EEPD1: variants seen among roughly 807,000 people sequenced by gnomAD.
EEPD1 encodes the protein endonuclease/exonuclease/phosphatase family domain-containing protein 1.
In EEPD1, 17 loss-of-function variants were observed where a neutral mutation model predicts 46.3. The observed-to-expected ratio is 0.37, with a 90% CI of 0.25 to 0.55. The LOEUF is 0.55. EEPD1 is among the 20% of genes least tolerant of loss of function. EEPD1 has a pLI of 0.83. For synonymous variants in EEPD1, 313 were observed against 315.6 expected (o/e 0.99, Z 0.09); for missense variants, 673 against 745.6 (o/e 0.90, Z 1.13).
At chr7:36,237,755 CG>C (rs1210452404) in intron 2 of EEPD1, among the ~76,000 whole-genome samples, 1 of 152,004 alleles carries the variant, frequency 6.6e-6, no homozygotes, top group Non-Finnish European at 1.5e-5. Context: ...GTTCAAGACC[CG>C]CCTGGCCAAC....
intron 2 of EEPD1, among the ~76,000 whole-genome samples, chr7:36,194,273 A>G (rs905999135): frequency 2.0e-5 from 3 of 152,256 alleles, no homozygotes; most frequent in South Asian, 2.1e-4. Flanking sequence ...TCCAGGCACC[A>G]TAAGTACATG....
intron 2 of EEPD1, among the ~76,000 whole-genome samples, chr7:36,202,492 G>A (rs1583806292): frequency 6.6e-6 from 1 of 152,158 alleles, no homozygotes; most frequent in East Asian, 1.9e-4. Flanking sequence ...CAGGACTGTA[G>A]CCTGGTTCTG....
intron 2 of EEPD1, among the ~76,000 whole-genome samples, chr7:36,236,647 A>G (rs1438324655): frequency 6.6e-6 from 1 of 152,204 alleles, no homozygotes; most frequent in Non-Finnish European, 1.5e-5. Context: ...TCTCCTGTCT[A>G]GCTAAAGGTT....
chr7:36,156,694 T>C (rs1439851088), intron 2 of EEPD1, among the ~76,000 whole-genome samples: 4 of 152,186 alleles, frequency 2.6e-5, no homozygotes, highest in Non-Finnish European at 5.9e-5. Context: ...ATTATGTCAG[T>C]GGTTTCTAAA....
chr7:36,231,215 G>A (rs75738854), intron 2 of EEPD1: 2,833 of 152,500 alleles, frequency 0.019, 33 homozygotes, highest in Middle Eastern at 0.027. Context: ...CTTCTGTGCT[G>A]TCAGTGTCTG....
At chr7:36,224,045 C>G (rs1239650709) in intron 2 of EEPD1, among the ~76,000 whole-genome samples, 3 of 152,222 alleles carry the variant, frequency 2.0e-5, no homozygotes, top group African/African-American at 7.2e-5. Flanking sequence ...TTAGTTTTAT[C>G]TCCTGCAGTT....
At chr7:36,251,292 T>C (rs1490311063) in intron 3 of EEPD1, among the ~76,000 whole-genome samples, 1 of 152,086 alleles carries the variant, frequency 6.6e-6, no homozygotes, top group Non-Finnish European at 1.5e-5. Flanking sequence ...TTTCCTCTAC[T>C]GGTAGGTTTC....
intron 2 of EEPD1, among the ~76,000 whole-genome samples, chr7:36,216,188 G>GA (rs1786027132): frequency 6.6e-6 from 1 of 152,202 alleles, no homozygotes; most frequent in African/African-American, 2.4e-5. Context: ...AGAGGAAGGA[G>GA]AGAAGAGGTT....
At chr7:36,208,063 C>T (rs573806541) in intron 2 of EEPD1, among the ~76,000 whole-genome samples, 5 of 152,240 alleles carry the variant, frequency 3.3e-5, no homozygotes, top group African/African-American at 7.2e-5. Context: ...ATCTCATCAG[C>T]GTGTTCCTCC....
chr7:36,192,198 T>C (rs1785472470), intron 2 of EEPD1, among the ~76,000 whole-genome samples: 1 of 152,236 alleles, frequency 6.6e-6, no homozygotes, highest in African/African-American at 2.4e-5. Flanking sequence ...ACACCGTAAG[T>C]GATGGCGTGT....
chr7:36,235,249 AC>A (rs1422997686), intron 2 of EEPD1, among the ~76,000 whole-genome samples: 1 of 151,944 alleles, frequency 6.6e-6, no homozygotes, highest in Non-Finnish European at 1.5e-5. Context: ...AGCATCGACC[AC>A]CTGCTCATTG....
In EEPD1 at chr7:36,284,801, C is replaced by T. The variant is rs556314080; in HGVS notation, c.1157C>T (p.Pro386Leu). ...NGHGKLAGPS[P>L]YLGRFKVGSH... The stretch of plus-strand genomic sequence containing the variant: ...CACGGGAAGCTGGCGGGCCCCAGCC[C>T]ATACCTCGGGAGGTTCAAGGTACCC... Residue 386 changes from proline (P) to leucine (L), a missense_variant, in exon 5 of 8, where the codon CCA becomes CTA. Coordinates refer to ENST00000242108, the MANE Select transcript of EEPD1 (RefSeq NM_030636.3). 50 of 1,561,570 alleles carry T rather than the reference C, an allele frequency of 3.2e-5. No homozygotes were observed. The highest frequency in any genetic ancestry group is 4.8e-5 in the East Asian group (2 of 41,862).
chr7:36,243,748 G>C (rs561944750), intron 3 of EEPD1, among the ~76,000 whole-genome samples: 1 of 152,070 alleles, frequency 6.6e-6, no homozygotes, highest in Non-Finnish European at 1.5e-5. Context: ...TCCTTTGTAG[G>C]GACATGGATG....
chr7:36,188,978 A>G (rs1019111192), intron 2 of EEPD1, among the ~76,000 whole-genome samples: 1 of 152,224 alleles, frequency 6.6e-6, no homozygotes, highest in Admixed American at 6.5e-5. Context: ...TTTAAAAAAT[A>G]CCTGTTTACT....
intron 2 of EEPD1, among the ~76,000 whole-genome samples, chr7:36,175,275 A>G (rs1446295273): frequency 1.3e-5 from 2 of 152,246 alleles, no homozygotes; most frequent in Admixed American, 1.3e-4. Flanking sequence ...TGTGCTTTGC[A>G]GCAGGTCTGC....
At chr7:36,264,863 G>T (rs1395405352) in intron 3 of EEPD1, among the ~76,000 whole-genome samples, 1 of 151,966 alleles carries the variant, frequency 6.6e-6, no homozygotes, top group African/African-American at 2.4e-5. Flanking sequence ...TCTCCAAAGT[G>T]AGAATGCTAT....
rs544093287 is a variant in EEPD1 at position 36,173,153 on chromosome 7, A to G, written c.878+17951A>G. The stretch of plus-strand genomic sequence containing the variant: ...GAGGGACCTGGTGGGAGGGGTTTGA[A>G]TCATAGGGACGGTTTCCCCCATGCT... On this transcript the variant is annotated intron_variant, in intron 2 of 7. Transcript: ENST00000242108. 9.2e-5 allele frequency among the ~76,000 whole-genome samples: 14 copies of G among 152,028 alleles called. No individual in the cohort carries two copies. In the East Asian group the frequency reaches 2.7e-3, roughly 29 times the overall value.
At chr7:36,176,087 G>A (rs766360046) in intron 2 of EEPD1, among the ~76,000 whole-genome samples, 16 of 152,302 alleles carry the variant, frequency 1.1e-4, no homozygotes, top group South Asian at 2.1e-4. Context: ...CCTGCCTCTC[G>A]CTGGGACTTC....
chr7:36,154,287 G>C lies in EEPD1; in HGVS notation c.-38G>C. 1 of 1,578,432 alleles carries C rather than the reference G, an allele frequency of 6.3e-7. No individual in the cohort carries two copies. The highest frequency in any genetic ancestry group is 8.6e-7 in the Non-Finnish European group (1 of 1,167,484). ...TCCCTAGCCAGAGAGCTCTTCTGCA[G>C]TGGTGCGGCCTTCCCGGGAGCCTGA... On this transcript the variant is annotated 5_prime_UTR_variant, in exon 2 of 8. Coordinates refer to ENST00000242108, the MANE Select transcript of EEPD1 (RefSeq NM_030636.3). The surrounding 1 kb of genome is among the most constrained non-coding windows in gnomAD (Gnocchi z 4.2).
Sources: allele counts gnomAD v4.1 joint callset (sites outside exome capture counted in the v4.1 genomes callset), GRCh38; gene constraint gnomAD v4.1.1; non-coding constraint Gnocchi (gnomAD v3.1); transcripts MANE v1.5; gene names NCBI Gene and HGNC (gene_info 2026-07-23, HGNC 2026-07-21).